Variants in CHRNA5 observed in about 807,000 individuals in gnomAD.
CHRNA5 encodes cholinergic receptor nicotinic alpha 5 subunit, also known as neuronal acetylcholine receptor subunit alpha-5.
Under a neutral mutation model 41.2 loss-of-function variants are expected in CHRNA5, and 28 were observed. The ratio of observed to expected loss-of-function variants is 0.68; its 90% CI spans 0.50 to 0.93. CHRNA5 has a LOEUF of 0.93. Ranked by LOEUF, CHRNA5 falls within the 40% of genes least tolerant of loss-of-function variation. The pLI, the probability that CHRNA5 is intolerant of heterozygous loss-of-function variation, is 0.00. For missense variants in CHRNA5, 481 were observed against 581.9 expected, an observed-to-expected ratio of 0.83 and a Z score of 1.78; for synonymous variants, 188 against 205.8, an observed-to-expected ratio of 0.91 and a Z score of 0.74.
intron 1 of CHRNA5, among the ~76,000 whole-genome samples, chr15:78,567,927 A>C (rs1266740951): frequency 6.6e-6 from 1 of 152,160 alleles, no homozygotes; most frequent in Non-Finnish European, 1.5e-5. Flanking sequence ...TGGGTGGCTG[A>C]AAGTACTGTC....
exon 5 of CHRNA5, chr15:78,589,824 G>A: frequency 6.3e-7 from 1 of 1,584,814 alleles, no homozygotes; most frequent in Non-Finnish European, 8.6e-7. Flanking sequence ...ACGTTTTGAA[G>A]GGACCAGTAC....
intron 2 of CHRNA5, among the ~76,000 whole-genome samples, chr15:78,583,711 A>G (rs1674099640): frequency 6.6e-6 from 1 of 151,660 alleles, no homozygotes; most frequent in South Asian, 2.1e-4. Flanking sequence ...AAAAAAAAAG[A>G]AAAATACTCT....
chr15:78,565,597 T>G (rs55853698), exon 1 of CHRNA5: 65,569 of 238,140 alleles, frequency 0.28, 10,646 homozygotes, highest in Middle Eastern at 0.35. Context: ...GAGCGGCCCC[T>G]CTGCTGCGTC....
chr15:78,571,959 C>T (rs2052809764), intron 1 of CHRNA5, among the ~76,000 whole-genome samples: 1 of 151,892 alleles, frequency 6.6e-6, no homozygotes, highest in Admixed American at 6.6e-5. Flanking sequence ...TAAAATAGCC[C>T]TCCTAGGACT....
rs2052819785 is a variant in CHRNA5 at position 78,572,920 on chromosome 15, A to C, written c.106+7095A>C. On this transcript the variant is annotated intron_variant, in intron 1 of 5. Coordinates refer to ENST00000299565, the Ensembl canonical transcript of CHRNA5. ...CCTTGGAAGGAAGGCGAAGGAGAGG[A>C]GGAGGGAGAATTCTTACTCTTTATG... 2.0e-5 allele frequency among the ~76,000 whole-genome samples: 3 copies of C among 152,208 alleles called. No individual in the cohort carries two copies. In the East Asian group the frequency reaches 5.8e-4, roughly 29 times the overall value.
At chr15:78,576,527 C>T (rs949300978) in intron 1 of CHRNA5, among the ~76,000 whole-genome samples, 5 of 152,110 alleles carry the variant, frequency 3.3e-5, no homozygotes, top group Admixed American at 2.0e-4. Context: ...CGTGGTGGAT[C>T]TTGTAGCACT....
At chr15:78,574,515 A>T (rs1275704514) in intron 1 of CHRNA5, among the ~76,000 whole-genome samples, 1 of 152,124 alleles carries the variant, frequency 6.6e-6, no homozygotes, top group Non-Finnish European at 1.5e-5. Flanking sequence ...ATTTCATTTG[A>T]TTCAGACGAG....
exon 5 of CHRNA5, chr15:78,590,219 A>G (rs905569482): frequency 1.2e-6 from 2 of 1,614,036 alleles, no homozygotes; most frequent in African/African-American, 2.7e-5. Context: ...ATCTTCCTTC[A>G]AATGAAGGTG....
At chr15:78,573,712 C>T (rs2052827965) in intron 1 of CHRNA5, among the ~76,000 whole-genome samples, 1 of 151,970 alleles carries the variant, frequency 6.6e-6, no homozygotes, top group African/African-American at 2.4e-5. Context: ...GACTTTTTTC[C>T]AAATCATTAC....
intron 1 of CHRNA5, among the ~76,000 whole-genome samples, chr15:78,579,112 T>A (rs1384420372): frequency 6.6e-6 from 1 of 152,110 alleles, no homozygotes; most frequent in East Asian, 1.9e-4. Context: ...TTTTAGTATA[T>A]TTAATGGCAC....
exon 6 of CHRNA5, chr15:78,593,205 A>G: frequency 1.2e-6 from 2 of 1,613,558 alleles, no homozygotes; most frequent in Non-Finnish European, 1.7e-6. Flanking sequence ...TTATTTATAA[A>G]TGGGCAAATA....
chr15:78,593,115 A>G, exon 6 of CHRNA5: 1 of 1,609,632 alleles, frequency 6.2e-7, no homozygotes, highest in Non-Finnish European at 8.5e-7. Flanking sequence ...GGAAATTCAT[A>G]GCCCAGGTTC....
chr15:78,592,378 C>A (rs2053025291), intron 5 of CHRNA5, among the ~76,000 whole-genome samples: 2 of 152,164 alleles, frequency 1.3e-5, no homozygotes, highest in Non-Finnish European at 2.9e-5. Context: ...TCTAAATTAT[C>A]CTACACTTTG....
At chr15:78,592,235 T>A (rs1335117214) in intron 5 of CHRNA5, among the ~76,000 whole-genome samples, 3 of 152,134 alleles carry the variant, frequency 2.0e-5, no homozygotes, top group African/African-American at 7.2e-5. Flanking sequence ...GGCAGAAGAA[T>A]CACTTAAACT....
intron 3 of CHRNA5, 66 bp downstream of exon 3, chr15:78,586,755 T>C (rs753944755): frequency 7.3e-6 from 8 of 1,095,226 alleles, no homozygotes; most frequent in Non-Finnish European, 9.6e-6. Context: ...ATTATATGTA[T>C]TGTAGCAGAA....
chr15:78,594,714 A>AATC (rs1486629058), exon 6 of CHRNA5: 1 of 152,232 alleles, frequency 6.6e-6, no homozygotes, highest in South Asian at 2.1e-4. Context: ...GTGAGAAAAC[A>AATC]ATCTTCTAAT....
At chr15:78,581,058 G>A in intron 2 of CHRNA5, 96 bp downstream of exon 2, 6 of 1,290,660 alleles carry the variant, frequency 4.6e-6, no homozygotes, top group Non-Finnish European at 6.4e-6. Flanking sequence ...GGATTACAAA[G>A]GTGATTGAAG....
chr15:78,593,159 T>A, exon 6 of CHRNA5: 2 of 1,613,984 alleles, frequency 1.2e-6, no homozygotes, highest in Non-Finnish European at 1.7e-6. Flanking sequence ...TTTCTTTTCG[T>A]TTCAATTGTT....
chr15:78,565,779 C>G, exon 1 of CHRNA5: 1 of 1,220,114 alleles, frequency 8.2e-7, no homozygotes, highest in South Asian at 4.1e-5. Context: ...TCCAGCTGGT[C>G]GCGGGGCGCT....
Sources: allele counts gnomAD v4.1 joint callset (sites outside exome capture counted in the v4.1 genomes callset), GRCh38; gene constraint gnomAD v4.1.1; transcripts MANE v1.5; gene names NCBI Gene and HGNC (gene_info 2026-07-23, HGNC 2026-07-21).